The following DNA2 variants were observed in gnomAD, a reference collection of about 807,000 sequenced individuals.
The protein encoded by DNA2 is DNA replication helicase/nuclease 2.
Under a neutral mutation model 119.1 loss-of-function variants are expected in DNA2, and 101 were observed. The ratio of observed to expected loss-of-function variants is 0.85; its 90% confidence interval spans 0.72 to 1.00. The LOEUF (loss-of-function observed/expected upper bound fraction) is 1.00, where lower values mean the gene tolerates loss of function less well. Ranked by LOEUF, DNA2 falls within the 50% of genes least tolerant of loss-of-function variation. DNA2 has a pLI of 0.00. For missense variants in DNA2, 1,121 were observed against 1,255.5 expected, an observed-to-expected ratio of 0.89 and a Z score of 1.62; for synonymous variants, 366 against 424.4, an observed-to-expected ratio of 0.86 and a Z score of 1.69.
intron 8 of DNA2, among the ~76,000 whole-genome samples, chr10:68,444,054 C>T: frequency 6.6e-6 from 1 of 152,098 alleles, no homozygotes; most frequent in Non-Finnish European, 1.5e-5. Flanking sequence ...GTCAGGAGTT[C>T]AAGACCAGCC....
chr10:68,451,604 G>T (rs1590067907), intron 5 of DNA2, among the ~76,000 whole-genome samples: 2 of 151,512 alleles, frequency 1.3e-5, no homozygotes, highest in African/African-American at 4.9e-5. Flanking sequence ...CATAAAAAAA[G>T]ATGACTTTTC....
At chr10:68,415,178 C>A (rs982383123) in intron 20 of DNA2, 71 bp from the exon 21 acceptor site, 4 of 961,504 alleles carry the variant, frequency 4.2e-6, no homozygotes, top group South Asian at 1.9e-5. Flanking sequence ...TATTATTTAA[C>A]ATTTTGTAAT....
intron 19 of DNA2, among the ~76,000 whole-genome samples, 181 bp from the exon 20 acceptor site, chr10:68,417,036 A>T (rs1020027354): frequency 1.3e-5 from 2 of 152,016 alleles, no homozygotes; most frequent in Non-Finnish European, 2.9e-5. Flanking sequence ...TGGAGACCAG[A>T]AGTTCAAGAC....
intron 5 of DNA2, among the ~76,000 whole-genome samples, chr10:68,454,048 C>G (rs1217944498): frequency 6.6e-6 from 1 of 152,186 alleles, no homozygotes; most frequent in Non-Finnish European, 1.5e-5. Flanking sequence ...AAATCCCTTG[C>G]TGACCTATCC....
chr10:68,438,486 T>G (rs1307107621), intron 9 of DNA2, among the ~76,000 whole-genome samples: 1 of 141,652 alleles, frequency 7.1e-6, no homozygotes, highest in East Asian at 2.1e-4. Context: ...GCCATTGCAC[T>G]CCAGCCTAGG....
intron 6 of DNA2, among the ~76,000 whole-genome samples, chr10:68,449,569 G>A (rs1220264047): frequency 6.6e-6 from 1 of 151,932 alleles, no homozygotes; most frequent in Non-Finnish European, 1.5e-5. Context: ...GTGAGGTCGC[G>A]AGTTCGAGAC....
At chr10:68,451,408 G>A (rs866329914) in intron 5 of DNA2, among the ~76,000 whole-genome samples, 9 of 152,134 alleles carry the variant, frequency 5.9e-5, no homozygotes, top group Admixed American at 1.3e-4. Flanking sequence ...TTGAAGGAAC[G>A]AGAAGAGGTG....
intron 13 of DNA2, among the ~76,000 whole-genome samples, 182 bp from the exon 14 acceptor site, chr10:68,430,842 A>G (rs1324930505): frequency 1.3e-5 from 2 of 152,180 alleles, no homozygotes; most frequent in Non-Finnish European, 2.9e-5. Context: ...TATGTCAATA[A>G]TACATCATAG....
At position 68,431,938 on chromosome 10, in the gene DNA2, T is replaced by C; in HGVS notation, c.1907A>G (p.Lys636Arg). 6.2e-7 allele frequency: 1 copy of C among 1,613,284 alleles called. No individual in the cohort carries two copies. Among genetic ancestry groups the C allele is most frequent in the Non-Finnish European group, 8.5e-7 (1 of 1,179,436 alleles). ...TGTGTAGTCTTTTGAAAGAAGTACC[T>C]TTTTCATCGCTTGCCTCTGAGGCTT... ...LNKPQRQAMK[K>R]VLLSKDYTLI... Residue 636 changes from lysine (K) to arginine (R), a missense_variant, in exon 13 of 21, where the codon AAG becomes AGG. Transcript: ENST00000358410.
intron 19 of DNA2, among the ~76,000 whole-genome samples, chr10:68,417,854 G>A (rs558369531): frequency 3.3e-5 from 5 of 152,070 alleles, no homozygotes; most frequent in South Asian, 2.1e-4. Flanking sequence ...AAATCCTGTC[G>A]CATACTACAA....
At chr10:68,449,455 T>C (rs2133412568) in intron 6 of DNA2, among the ~76,000 whole-genome samples, 1 of 152,254 alleles carries the variant, frequency 6.6e-6, no homozygotes, top group South Asian at 2.1e-4. Flanking sequence ...AAAGCTCTTG[T>C]GAAAACCTTC....
intron 4 of DNA2, among the ~76,000 whole-genome samples, chr10:68,460,054 CACACACAT>C (rs1477171552): frequency 1.3e-5 from 2 of 151,274 alleles, no homozygotes; most frequent in Non-Finnish European, 3.0e-5. Context: ...CACACACACA[CACACACAT>C]ACAAGTTAAC....
chr10:68,425,575 G>A (rs1216511627), intron 14 of DNA2, among the ~76,000 whole-genome samples: 1 of 151,562 alleles, frequency 6.6e-6, no homozygotes. Flanking sequence ...CTAATTTGTT[G>A]TATTTTTAGT....
chr10:68,425,043 A>T, intron 14 of DNA2: 2 of 400,626 alleles, frequency 5.0e-6, no homozygotes, highest in East Asian at 6.1e-5. Context: ...TTTTTAGGCT[A>T]GTGTGTGTTT....
At chr10:68,472,000 A>T, upstream of DNA2, 1 of 1,610,418 alleles carries the variant, frequency 6.2e-7, no homozygotes, top group Non-Finnish European at 8.5e-7. Context: ...GTCCCAAATG[A>T]CCTGCGCCAG....
In DNA2 at chr10:68,422,535, G is replaced by C. The variant is rs767523892; in HGVS notation, c.2472C>G (p.Thr824=). 1 of 1,613,878 alleles carries C rather than the reference G, an allele frequency of 6.2e-7. No individual in the cohort carries two copies. Among genetic ancestry groups the C allele is most frequent in the Non-Finnish European group, 8.5e-7 (1 of 1,179,842 alleles). The change falls in exon 16 of 21, where the codon ACC becomes ACG. Residue 824 remains threonine (T), a synonymous_variant. Coordinates refer to ENST00000358410, the MANE Select transcript of DNA2 (RefSeq NM_001080449.3). ...AATACCTGTTCATTCTGTACTGCACGGTTAACTGTACAACAGCACTCTTAT... is the reference window on the plus strand; with the variant it reads ...AATACCTGTTCATTCTGTACTGCACCGTTAACTGTACAACAGCACTCTTAT... ...EQNKSAVVQL[T]VQYRMNSKIM...
At chr10:68,469,931 G>A (rs148540786) in intron 2 of DNA2, 50 bp downstream of exon 2, 24 of 1,521,194 alleles carry the variant, frequency 1.6e-5, no homozygotes, top group Admixed American at 6.4e-5. Flanking sequence ...TGAGTTTTAC[G>A]ACAGTACCCT....
In DNA2 at chr10:68,471,925, A is replaced by T; in HGVS notation, c.-61T>A. ...GACAGCGGAACCGGGGGTAACACAG[A>T]AAGCTTAGAAAAGGGAAAAAGGCGC... On this transcript the variant is annotated 5_prime_UTR_variant, in exon 1 of 21. Transcript: ENST00000358410. 1 of 1,613,690 alleles carries T rather than the reference A, an allele frequency of 6.2e-7. No homozygotes were observed. Among genetic ancestry groups the T allele is most frequent in the Non-Finnish European group, 8.5e-7 (1 of 1,179,644 alleles).
chr10:68,436,776 C>T (rs2051893715), intron 10 of DNA2: 1 of 355,344 alleles, frequency 2.8e-6, no homozygotes, highest in Non-Finnish European at 5.1e-6. Context: ...TAGTGGTTGC[C>T]ACGGGCTGGG....
Sources: allele counts gnomAD v4.1 joint callset (sites outside exome capture counted in the v4.1 genomes callset), GRCh38; gene constraint gnomAD v4.1.1; transcripts MANE v1.5; gene names NCBI Gene and HGNC (gene_info 2026-07-23, HGNC 2026-07-21).